The following LIN52 variants were observed in gnomAD, a reference collection of about 807,000 sequenced individuals.
The protein encoded by LIN52 is protein lin-52 homolog.
A neutral mutation model predicts 18.5 loss-of-function variants in LIN52; 4 were observed. The observed-to-expected ratio is 0.22, with a 90% confidence interval of 0.11 to 0.49. The LOEUF (loss-of-function observed/expected upper bound fraction) is 0.49. Among genes scored for constraint, LIN52 ranks in the 20% least tolerant of loss-of-function variants. The probability of loss-of-function intolerance (pLI) is 0.97; values close to 1 mark genes in which losing one functional copy is unlikely to be tolerated. For synonymous variants in LIN52, 34 were observed against 45.5 expected (o/e 0.75, Z 1.02); for missense variants, 102 against 139.5 (o/e 0.73, Z 1.35).
chr14:74,183,560 A>T (rs576184040), intron 5 of LIN52, among the ~76,000 whole-genome samples: 3 of 152,324 alleles, frequency 2.0e-5, no homozygotes, highest in Admixed American at 1.3e-4. Context: ...GGAAAAAGCT[A>T]TATTTCCAGG....
Position 74,199,112 on chromosome 14 carries a change from C to A in LIN52, c.*135C>A. On this transcript the variant is annotated 3_prime_UTR_variant, in exon 6 of 6. Transcript: ENST00000555028. ...CTCCAGGACTGCCCTCTCCCCTGCT[C>A]CTGGCACTCTACACGTCTGAGGACA... 2 of 639,408 alleles carry A rather than the reference C, an allele frequency of 3.1e-6. No homozygotes were observed. The highest frequency in any genetic ancestry group is 2.7e-5 in the East Asian group (1 of 37,636). 39.6% of individuals were successfully genotyped at this position (639,408 alleles called of 1,614,324 possible).
chr14:74,126,776 TGTG>T (rs1206641540), intron 5 of LIN52, among the ~76,000 whole-genome samples: 1 of 152,186 alleles, frequency 6.6e-6, no homozygotes, highest in Non-Finnish European at 1.5e-5. Context: ...TTGGGATTTT[TGTG>T]GGGAAGGTGA....
intron 5 of LIN52, among the ~76,000 whole-genome samples, chr14:74,109,122 G>A (rs1463824340): frequency 2.0e-5 from 3 of 152,148 alleles, no homozygotes; most frequent in Non-Finnish European, 2.9e-5. Context: ...TGGATATCCA[G>A]TTTTCTTAGC....
At chr14:74,122,015 T>TGAA (rs1555382005) in intron 5 of LIN52, among the ~76,000 whole-genome samples, 4 of 151,736 alleles carry the variant, frequency 2.6e-5, no homozygotes, top group Non-Finnish European at 5.9e-5. Flanking sequence ...CATATTCCCA[T>TGAA]GAGAAGAGGT....
intron 5 of LIN52, among the ~76,000 whole-genome samples, chr14:74,116,732 A>T (rs1256801516): frequency 6.6e-6 from 1 of 151,714 alleles, no homozygotes; most frequent in Non-Finnish European, 1.5e-5. Context: ...AAGAAAAGAA[A>T]AAAAGCACTA....
chr14:74,153,947 T>C (rs931047873), intron 5 of LIN52, among the ~76,000 whole-genome samples: 3 of 152,220 alleles, frequency 2.0e-5, no homozygotes, highest in African/African-American at 7.2e-5. Flanking sequence ...TAGTTGTTTT[T>C]CAATAAGTTG....
intron 5 of LIN52, among the ~76,000 whole-genome samples, chr14:74,128,865 C>G (rs2096570070): frequency 6.6e-6 from 1 of 152,062 alleles, no homozygotes; most frequent in South Asian, 2.1e-4. Flanking sequence ...AATCTTGAGC[C>G]TGCGAGACTG....
chr14:74,123,482 T>C (rs187212430), intron 5 of LIN52, among the ~76,000 whole-genome samples: 1 of 152,298 alleles, frequency 6.6e-6, no homozygotes, highest in Non-Finnish European at 1.5e-5. Context: ...CATTTATAAG[T>C]GTATCTGTAG....
intron 5 of LIN52, among the ~76,000 whole-genome samples, chr14:74,182,558 C>T (rs1195827345): frequency 4.7e-5 from 6 of 128,498 alleles, no homozygotes; most frequent in Admixed American, 1.7e-4. Flanking sequence ...AAAGAATGAT[C>T]GCAGTAAAAT....
At chr14:74,159,347 G>A (rs1221900264) in intron 5 of LIN52, among the ~76,000 whole-genome samples, 3 of 151,948 alleles carry the variant, frequency 2.0e-5, no homozygotes, top group African/African-American at 7.3e-5. Context: ...AAGCTTTCTG[G>A]TGATCTTAGC....
At chr14:74,154,008 C>G (rs4903194) in intron 5 of LIN52, among the ~76,000 whole-genome samples, 118,018 of 152,106 alleles carry the variant, frequency 0.78, 46,101 homozygotes, top group Admixed American at 0.81. Context: ...AGGAGCGTTC[C>G]CATATAACCC....
At chr14:74,154,841 G>A (rs563089086) in intron 5 of LIN52, among the ~76,000 whole-genome samples, 8 of 152,200 alleles carry the variant, frequency 5.3e-5, no homozygotes, top group Middle Eastern at 6.8e-3. Flanking sequence ...TTTGTGTTCC[G>A]GCCTGGTGTT....
intron 5 of LIN52, among the ~76,000 whole-genome samples, chr14:74,176,166 T>C (rs2061293557): frequency 6.6e-6 from 1 of 152,198 alleles, no homozygotes; most frequent in Non-Finnish European, 1.5e-5. Flanking sequence ...GAGGCTGTTT[T>C]ATATTATAAT....
intron 5 of LIN52, among the ~76,000 whole-genome samples, chr14:74,178,320 A>G (rs968686450): frequency 6.6e-6 from 1 of 152,166 alleles, no homozygotes; most frequent in Non-Finnish European, 1.5e-5. Context: ...AATGGTAGGA[A>G]TCTTTAGGTG....
intron 5 of LIN52, among the ~76,000 whole-genome samples, chr14:74,143,414 G>A (rs1386248113): frequency 1.3e-5 from 2 of 152,138 alleles, no homozygotes; most frequent in Non-Finnish European, 2.9e-5. Flanking sequence ...TTAGCCAAGT[G>A]TGGCAGTGTG....
intron 5 of LIN52, chr14:74,114,238 T>A: frequency 1.0e-6 from 1 of 984,098 alleles, no homozygotes; most frequent in Non-Finnish European, 1.2e-6. Context: ...CTTTAAAAAA[T>A]TTTATTCTAT....
chr14:74,164,217 G>A (rs903075953), intron 5 of LIN52, among the ~76,000 whole-genome samples: 1 of 151,736 alleles, frequency 6.6e-6, no homozygotes, highest in African/African-American at 2.4e-5. Context: ...TTCTGACCTC[G>A]TGATCCGCCT....
intron 5 of LIN52, among the ~76,000 whole-genome samples, chr14:74,163,481 G>C (rs890011996): frequency 1.3e-5 from 2 of 152,066 alleles, no homozygotes; most frequent in Admixed American, 1.3e-4. Context: ...ACAAAACCAA[G>C]GTAGGAGTGG....
chr14:74,126,054 A>G (rs1009146485), intron 5 of LIN52, among the ~76,000 whole-genome samples: 2 of 132,704 alleles, frequency 1.5e-5, no homozygotes, highest in South Asian at 3.7e-4. Context: ...AAAAAAAGAA[A>G]TGAGCAAAGG....
Sources: gnomAD v4.1 joint callset for allele counts (sites outside exome capture counted in the v4.1 genomes callset) on GRCh38, gnomAD v4.1.1 for gene constraint, MANE v1.5 for transcripts, NCBI Gene and HGNC (gene_info 2026-07-23, HGNC 2026-07-21) for gene names.